CCDC12: variants seen among roughly 807,000 people sequenced by gnomAD.
The protein encoded by CCDC12 is coiled-coil domain containing 12.
A neutral mutation model predicts 25.7 loss-of-function variants in CCDC12; 28 were observed. That is an observed-to-expected ratio of 1.09 (90% confidence interval 0.81 to 1.50). The LOEUF is 1.50. Ranked by LOEUF, CCDC12 falls within the 40% of genes most tolerant of loss-of-function variation. The probability of loss-of-function intolerance (pLI) is 0.00; values close to 1 mark genes in which losing one functional copy is unlikely to be tolerated. For missense variants in CCDC12, 198 were observed against 210.0 expected (o/e 0.94, Z 0.35); for synonymous variants, 75 against 87.7 (o/e 0.86, Z 0.81).
At chr3:46,976,496 T>C (rs931156560) in intron 1 of CCDC12, 141 bp downstream of exon 1, 1 of 1,435,742 alleles carries the variant, frequency 7.0e-7, no homozygotes, top group Admixed American at 2.8e-5. Flanking sequence ...GAGGGCGCCG[T>C]CTTCTCGCGC....
chr3:46,930,145 G>C (rs1047607614), intron 2 of CCDC12, among the ~76,000 whole-genome samples: 2 of 152,064 alleles, frequency 1.3e-5, no homozygotes, highest in African/African-American at 2.4e-5. Context: ...GAATAGCTGG[G>C]ACTACAGGCA....
chr3:46,943,251 C>T (rs2033782115), intron 1 of CCDC12, among the ~76,000 whole-genome samples: 1 of 152,110 alleles, frequency 6.6e-6, no homozygotes, highest in Admixed American at 6.5e-5. Flanking sequence ...CCACAAGGGC[C>T]CTGCTGACAC....
intron 1 of CCDC12, among the ~76,000 whole-genome samples, chr3:46,964,072 C>T (rs1309087764): frequency 6.6e-6 from 1 of 151,944 alleles, no homozygotes; most frequent in African/African-American, 2.4e-5. Context: ...CCCGCCGCCC[C>T]GTCTGGGATG....
chr3:46,928,498 T>C (rs1156998903), intron 2 of CCDC12, among the ~76,000 whole-genome samples: 1 of 152,110 alleles, frequency 6.6e-6, no homozygotes, highest in African/African-American at 2.4e-5. Flanking sequence ...GAAACCACAA[T>C]TACTTTTGCA....
chr3:46,936,702 CCT>C lies in CCDC12; in HGVS notation c.164+4294_164+4295del, dbSNP rs542582897. Among the ~76,000 whole-genome samples the C allele has an allele frequency of 5.1e-3, 777 of 152,228 alleles. 6 individuals are homozygous for C. The highest frequency in any genetic ancestry group is 0.018 in the African/African-American group (745 of 41,526). ...GAATCTTCTCAACATGTGTTCTTCC[CCT>C]AAGTCCCTAAATTAAAGCAGAAAAA... On this transcript the variant is annotated intron_variant, in intron 2 of 6. Coordinates refer to ENST00000683445, the MANE Select transcript of CCDC12 (RefSeq NM_001277074.2).
intron 1 of CCDC12, among the ~76,000 whole-genome samples, chr3:46,964,873 T>A (rs2034593333): frequency 6.6e-6 from 1 of 152,142 alleles, no homozygotes; most frequent in Admixed American, 6.5e-5. Context: ...CTTGTTTATC[T>A]GCTGACCTTC....
chr3:46,927,790 C>T (rs1329640418), intron 2 of CCDC12, among the ~76,000 whole-genome samples: 1 of 152,208 alleles, frequency 6.6e-6, no homozygotes, highest in African/African-American at 2.4e-5. Flanking sequence ...GATGTGCAGC[C>T]ACTGTTGTGT....
At chr3:46,980,542 T>C (rs1334041008), upstream of CCDC12, among the ~76,000 whole-genome samples, 1 of 145,094 alleles carries the variant, frequency 6.9e-6, no homozygotes, top group Non-Finnish European at 1.5e-5. Flanking sequence ...AGGACCTCTC[T>C]AGGAGCAGAA....
chr3:46,939,258 T>C (rs1297689846), intron 2 of CCDC12, among the ~76,000 whole-genome samples: 1 of 152,292 alleles, frequency 6.6e-6, no homozygotes, highest in South Asian at 2.1e-4. Flanking sequence ...CTCAACACCA[T>C]GTTTGAGATT....
At chr3:46,927,107 A>T (rs1033362006) in intron 2 of CCDC12, among the ~76,000 whole-genome samples, 2 of 152,112 alleles carry the variant, frequency 1.3e-5, no homozygotes, top group Non-Finnish European at 2.9e-5. Context: ...CTGAGCCTGG[A>T]GCCTTGGGGC....
intron 1 of CCDC12, among the ~76,000 whole-genome samples, chr3:46,963,653 T>C (rs1575561250): frequency 6.6e-6 from 1 of 152,268 alleles, no homozygotes; most frequent in East Asian, 1.9e-4. Context: ...AGACCGGGTT[T>C]CGCTGTGTTG....
intron 1 of CCDC12, among the ~76,000 whole-genome samples, chr3:46,958,500 A>T (rs913627113): frequency 3.3e-5 from 5 of 152,102 alleles, no homozygotes; most frequent in Admixed American, 6.5e-5. Context: ...CTGCAGAAAT[A>T]AAAAAAACTC....
chr3:46,969,963 C>T (rs1232289741), intron 1 of CCDC12, among the ~76,000 whole-genome samples: 2 of 145,908 alleles, frequency 1.4e-5, no homozygotes, highest in East Asian at 4.0e-4. Flanking sequence ...GGTGCAGTGA[C>T]GTGATCTCAG....
intron 1 of CCDC12, among the ~76,000 whole-genome samples, chr3:46,969,533 C>T (rs1347691683): frequency 1.3e-5 from 2 of 152,158 alleles, no homozygotes; most frequent in Non-Finnish European, 2.9e-5. Flanking sequence ...ACACCTGGCC[C>T]GCACTCCCAT....
At chr3:46,975,509 T>G (rs2034940580) in intron 1 of CCDC12, among the ~76,000 whole-genome samples, 1 of 148,756 alleles carries the variant, frequency 6.7e-6, no homozygotes, top group Non-Finnish European at 1.5e-5. Flanking sequence ...CCACCCTTAG[T>G]TAGAAATAAA....
chr3:46,923,252 G>A (rs757955320), intron 5 of CCDC12, 77 bp downstream of exon 5: 891 of 1,372,194 alleles, frequency 6.5e-4, no homozygotes, highest in Non-Finnish European at 8.2e-4. Context: ...ACGGCAGGAA[G>A]GGCCAAGCCC....
intron 1 of CCDC12, chr3:46,966,232 G>T (rs1439512778): frequency 1.3e-5 from 2 of 152,472 alleles, no homozygotes; most frequent in African/African-American, 4.8e-5. Context: ...AAGAAAGCGG[G>T]CTGGGCACGG....
At chr3:46,952,012 T>C (rs2034147359) in intron 1 of CCDC12, among the ~76,000 whole-genome samples, 1 of 151,160 alleles carries the variant, frequency 6.6e-6, no homozygotes, top group African/African-American at 2.4e-5. Flanking sequence ...CCAAAGGTCA[T>C]GACCACTTTT....
At chr3:46,928,903 G>T (rs927737250) in intron 2 of CCDC12, among the ~76,000 whole-genome samples, 55 of 152,018 alleles carry the variant, frequency 3.6e-4, no homozygotes, top group African/African-American at 1.3e-3. Flanking sequence ...AAGGCAAGAG[G>T]ATTGCTTGAG....
Sources: gnomAD v4.1 joint callset for allele counts (sites outside exome capture counted in the v4.1 genomes callset) on GRCh38, gnomAD v4.1.1 for gene constraint, MANE v1.5 for transcripts, NCBI Gene and HGNC (gene_info 2026-07-23, HGNC 2026-07-21) for gene names.